The following NPAT variants were observed in gnomAD, a reference collection of about 807,000 sequenced individuals.
NPAT encodes protein NPAT.
A neutral mutation model predicts 130.7 loss-of-function variants in NPAT; 52 were observed. That is an observed-to-expected ratio of 0.40 (90% CI 0.32 to 0.50). The LOEUF is 0.50. Among genes scored for constraint, NPAT ranks in the 20% least tolerant of loss-of-function variants. The pLI is 0.68. For missense variants in NPAT, 1,687 were observed against 1,662.6 expected, an observed-to-expected ratio of 1.01 and a Z score of -0.26; for synonymous variants, 580 against 584.8, an observed-to-expected ratio of 0.99 and a Z score of 0.12.
Position 108,162,180 on chromosome 11 carries a change from C to A in NPAT, c.3011G>T (p.Gly1004Val). 6 of 1,612,862 alleles carry A rather than the reference C, an allele frequency of 3.7e-6. No individual in the cohort carries two copies. The highest frequency in any genetic ancestry group is 1.1e-5 in the South Asian group (1 of 91,034). ...ATCCACCAAATTATTTACTTGTTTT[C>A]CTGAAATTATAAATGAACATTCCTG... is the stretch of plus-strand genomic sequence containing the variant. ...AQGLRNKPCI[G>V]KQVNNLVDSS... The change falls in exon 16 of 18, where the codon GGA becomes GTA. Residue 1004 changes from glycine (G) to valine (V), a missense_variant and splice_region_variant. By Grantham distance (109) the Gly-to-Val change is moderately radical (BLOSUM62 -3). Around this residue, in one of 3 missense-constraint regions of NPAT, gnomAD observed 1,379 missense variants for 1,346.6 expected, o/e 1.02. Coordinates refer to ENST00000278612, the MANE Select transcript of NPAT (RefSeq NM_002519.3).
At position 108,222,618 on chromosome 11, in the gene NPAT, C is replaced by G; in HGVS notation, c.-82G>C. 1 of 1,501,484 alleles carries G rather than the reference C, an allele frequency of 6.7e-7. No individual in the cohort carries two copies. The highest frequency in any genetic ancestry group is 1.4e-5 in the African/African-American group (1 of 72,802). The allele number at this position is 1,501,484 out of a possible 1,614,324, so 93.0% of individuals were successfully genotyped here. On this transcript the variant is annotated 5_prime_UTR_variant, in exon 1 of 18. Transcript: ENST00000278612. ...CAGCGACAGCTCCTGCGCCGCATCT[C>G]CTGGTTCCAGTGGCGGCACTGAACT...
At chr11:108,185,155 G>T in intron 10 of NPAT, 77 bp downstream of exon 10, 1 of 982,394 alleles carries the variant, frequency 1.0e-6, no homozygotes, top group Non-Finnish European at 1.6e-6. Context: ...CAATGGTTTT[G>T]AAATGAAACC....
At chr11:108,160,055 G>A (rs962939963) in intron 17 of NPAT, among the ~76,000 whole-genome samples, 2 of 151,784 alleles carry the variant, frequency 1.3e-5, no homozygotes, top group African/African-American at 4.8e-5. Context: ...GGGGGCTGAG[G>A]CAGGGAATTG....
rs767410336 is a variant in NPAT, at chr11:108,172,673, T to C, written c.2311A>G (p.Ile771Val). The change falls in exon 13 of 18, where the codon ATA becomes GTA. Residue 771 changes from isoleucine to valine, a missense_variant. Ile to Val is a conservative substitution (Grantham distance 29). Around this residue, in one of 3 missense-constraint regions of NPAT, gnomAD observed 1,379 missense variants for 1,346.6 expected, o/e 1.02. Coordinates refer to ENST00000278612, the MANE Select transcript of NPAT (RefSeq NM_002519.3). ...GATTTAGTAGGAGAAGACAAGATTA[T>C]AGTTGGCAGGTTTTCTCCATTAATA... is the stretch of plus-strand genomic sequence containing the variant. ...SSINGENLPTIILSSPTKSPT... is the reference protein window; with the variant it reads ...SSINGENLPTVILSSPTKSPT... 27 of 1,614,002 alleles carry C rather than the reference T, an allele frequency of 1.7e-5. No individual in the cohort carries two copies. The highest frequency in any genetic ancestry group is 2.2e-5 in the Non-Finnish European group (26 of 1,179,994).
chr11:108,187,478 T>C (rs1300915709), intron 7 of NPAT, among the ~76,000 whole-genome samples: 1 of 152,132 alleles, frequency 6.6e-6, no homozygotes, highest in Non-Finnish European at 1.5e-5. Context: ...GATATTGCTG[T>C]TTGTTATTTT....
chr11:108,172,475 C>A lies in NPAT; in HGVS notation c.2509G>T (p.Ala837Ser). ...TQNEDGIAFSANVTPCVSKDG... is the reference protein window; with the variant it reads ...TQNEDGIAFSSNVTPCVSKDG... ...TTGGAAACACATGGTGTAACATTAG[C>A]TGAAAAAGCAATGCCATCTTCATTC... The change falls in exon 13 of 18, where the codon GCT becomes TCT. Residue 837 changes from alanine to serine, a missense_variant. Coordinates refer to ENST00000278612, the MANE Select transcript of NPAT (RefSeq NM_002519.3). 1 of 1,614,168 alleles carries A rather than the reference C, an allele frequency of 6.2e-7. No individual in the cohort carries two copies. The highest frequency in any genetic ancestry group is 8.5e-7 in the Non-Finnish European group (1 of 1,180,016).
At chr11:108,222,358 G>T (rs1202837965) in intron 1 of NPAT, 142 bp downstream of exon 1, 3 of 854,282 alleles carry the variant, frequency 3.5e-6, no homozygotes, top group African/African-American at 3.4e-5. Flanking sequence ...TCCGAATGAC[G>T]AAGAATCACC....
At chr11:108,162,077 T>C (rs375616901) in intron 16 of NPAT, 43 bp downstream of exon 16, 7 of 1,612,082 alleles carry the variant, frequency 4.3e-6, no homozygotes, top group Middle Eastern at 3.3e-4. Flanking sequence ...GTTTTAAATC[T>C]GAGCATTCAA....
intron 1 of NPAT, among the ~76,000 whole-genome samples, 171 bp downstream of exon 1, chr11:108,222,329 G>A (rs1009202509): frequency 2.0e-5 from 3 of 152,080 alleles, no homozygotes; most frequent in Admixed American, 6.5e-5. Flanking sequence ...ATACAAAGAG[G>A]CTTAAACTGC....
rs771994506 is a variant in NPAT, at chr11:108,188,113, G to C, written c.623C>G (p.Pro208Arg). Residue 208 changes from proline (P) to arginine (R), a missense_variant, in exon 7 of 18, where the codon CCC (proline) becomes CGC (arginine). Pro to Arg is a moderately radical substitution (Grantham distance 103). Coordinates refer to ENST00000278612, the MANE Select transcript of NPAT (RefSeq NM_002519.3). ...AAGCATTTACCTTTTGCGTCTACCG[G>C]GAGACATTAAACTGGCATGTGCTTT... ...EKKAHASLMS[P>R]GRRKSESQRK... is the part of the protein sequence containing the mutation. 6.2e-6 allele frequency: 10 copies of C among 1,612,538 alleles called. No individual in the cohort carries two copies. Among genetic ancestry groups the C allele is most frequent in the Non-Finnish European group, 5.9e-6 (7 of 1,179,188 alleles).
intron 15 of NPAT, among the ~76,000 whole-genome samples, chr11:108,166,648 T>C (rs956142619): frequency 6.6e-6 from 1 of 152,202 alleles, no homozygotes; most frequent in Non-Finnish European, 1.5e-5. Flanking sequence ...GGTCTCTTTC[T>C]AAACTATCTT....
intron 10 of NPAT, among the ~76,000 whole-genome samples, chr11:108,183,781 C>T (rs112432087): frequency 6.6e-6 from 1 of 151,786 alleles, no homozygotes; most frequent in Admixed American, 6.6e-5. Context: ...GGTGACACAG[C>T]GAGACACCAC....
chr11:108,203,723 A>T (rs1591412781), intron 1 of NPAT, among the ~76,000 whole-genome samples: 1 of 152,120 alleles, frequency 6.6e-6, no homozygotes, highest in Non-Finnish European at 1.5e-5. Flanking sequence ...ATACTCCCCT[A>T]AACAGTTATT....
At chr11:108,174,270 C>A (rs953203351) in intron 12 of NPAT, among the ~76,000 whole-genome samples, 1 of 152,104 alleles carries the variant, frequency 6.6e-6, no homozygotes. Flanking sequence ...GCCACCACAC[C>A]CAACTTATCT....
intron 2 of NPAT, among the ~76,000 whole-genome samples, chr11:108,194,389 C>T (rs2078200477): frequency 6.6e-6 from 1 of 152,206 alleles, no homozygotes; most frequent in Admixed American, 6.5e-5. Context: ...TATAACCCAA[C>T]ACCACTGGTT....
At chr11:108,197,462 G>T (rs2078234153) in intron 1 of NPAT, 42 bp from the exon 2 acceptor site, 2 of 1,272,726 alleles carry the variant, frequency 1.6e-6, no homozygotes, top group African/African-American at 1.5e-5. Flanking sequence ...ACTAAATTCT[G>T]TACTTTTGGT....
Position 108,158,927 on chromosome 11 carries a change from A to G in NPAT, c.*15T>C, listed in dbSNP as rs1324688987. The G allele has an allele frequency of 2.0e-6, 3 of 1,502,084 alleles. No homozygotes were observed. The highest frequency in any genetic ancestry group is 2.8e-6 in the Non-Finnish European group (3 of 1,080,650). 93.0% of individuals were successfully genotyped at this position (1,502,084 alleles called of 1,614,324 possible). ...TGAGTTTTTAACACCTACTGTTCTTATGTGTCCAGAATGTTTACTCATCAT... is the reference window on the plus strand; with the variant it reads ...TGAGTTTTTAACACCTACTGTTCTTGTGTGTCCAGAATGTTTACTCATCAT... On this transcript the variant is annotated 3_prime_UTR_variant, in exon 18 of 18. Transcript: ENST00000278612.
chr11:108,207,077 C>T (rs2078333531), intron 1 of NPAT, among the ~76,000 whole-genome samples: 1 of 152,188 alleles, frequency 6.6e-6, no homozygotes, highest in African/African-American at 2.4e-5. Flanking sequence ...AATAGAGCTG[C>T]AGTGGGTAGC....
chr11:108,180,465 A>C (rs1378174947), intron 10 of NPAT, among the ~76,000 whole-genome samples: 1 of 152,228 alleles, frequency 6.6e-6, no homozygotes, highest in African/African-American at 2.4e-5. Flanking sequence ...TAACATCACT[A>C]ATCATTAGAG....
Sources: allele counts gnomAD v4.1 joint callset (sites outside exome capture counted in the v4.1 genomes callset), GRCh38; gene constraint gnomAD v4.1.1; regional missense constraint gnomAD v4.1.1; transcripts MANE v1.5; gene names NCBI Gene and HGNC (gene_info 2026-07-23, HGNC 2026-07-21).